LMX1A: variants seen among roughly 807,000 people sequenced by gnomAD.
The protein encoded by LMX1A is LIM homeobox transcription factor 1-alpha.
Under a neutral mutation model 49.1 loss-of-function variants are expected in LMX1A, and 15 were observed. That is an observed-to-expected ratio of 0.31 (90% CI 0.20 to 0.47). The LOEUF (loss-of-function observed/expected upper bound fraction) is 0.47. LMX1A is among the 20% of genes least tolerant of loss of function. LMX1A has a pLI of 1.00. For missense variants in LMX1A, 372 were observed against 475.8 expected (o/e 0.78, Z 2.03); for synonymous variants, 167 against 185.7 (o/e 0.90, Z 0.82).
intron 3 of LMX1A, among the ~76,000 whole-genome samples, chr1:165,301,371 C>T (rs201063192): frequency 2.7e-5 from 1 of 37,350 alleles, no homozygotes; most frequent in Non-Finnish European, 6.7e-5. Context: ...ACACTCCCGA[C>T]AACACACACA....
intron 3 of LMX1A, among the ~76,000 whole-genome samples, chr1:165,320,236 A>T (rs183521937): frequency 6.6e-6 from 1 of 152,160 alleles, no homozygotes; most frequent in Admixed American, 6.5e-5. Context: ...TAAATATCTC[A>T]TAACCTGGAC....
In LMX1A at chr1:165,342,240, A is replaced by G. The variant is rs2101763599; in HGVS notation, c.263+10836T>C. ...CAGCCTCCACTGGGGGCACAGTGGG[A>G]TCTTTTCTAGCTAAGGCTGAGACTT... On this transcript the variant is annotated intron_variant, in intron 3 of 8. Coordinates refer to ENST00000342310, the MANE Select transcript of LMX1A (RefSeq NM_177398.4). 1.3e-5 allele frequency among the ~76,000 whole-genome samples: 2 copies of G among 152,356 alleles called. 1 individual carries two copies. The highest frequency in any genetic ancestry group is 4.1e-4 in the South Asian group (2 of 4,828).
chr1:165,307,634 A>G (rs548881936), intron 3 of LMX1A, among the ~76,000 whole-genome samples: 3 of 152,140 alleles, frequency 2.0e-5, no homozygotes, highest in Non-Finnish European at 2.9e-5. Flanking sequence ...CACTCCCATA[A>G]CCTCCAACCC....
At chr1:165,283,718 C>G (rs1411560933) in intron 3 of LMX1A, among the ~76,000 whole-genome samples, 1 of 152,236 alleles carries the variant, frequency 6.6e-6, no homozygotes, top group African/African-American at 2.4e-5. Flanking sequence ...GAAACCATGT[C>G]TGAATGGCTA....
chr1:165,223,904 C>T (rs1651945042), intron 4 of LMX1A, among the ~76,000 whole-genome samples: 2 of 152,046 alleles, frequency 1.3e-5, no homozygotes, highest in South Asian at 4.2e-4. Context: ...AAGAGAGATG[C>T]TTTGGACTCA....
chr1:165,268,774 A>C (rs1248615312), intron 3 of LMX1A, among the ~76,000 whole-genome samples: 1 of 152,232 alleles, frequency 6.6e-6, no homozygotes, highest in Non-Finnish European at 1.5e-5. Context: ...AAATAAGGAG[A>C]TATTTCTAAA....
intron 3 of LMX1A, among the ~76,000 whole-genome samples, chr1:165,325,740 G>A (rs1303101843): frequency 6.6e-6 from 1 of 152,082 alleles, no homozygotes; most frequent in Non-Finnish European, 1.5e-5. Context: ...ACACCAGCAA[G>A]CCTCAGGCAT....
chr1:165,237,015 T>G lies in LMX1A; in HGVS notation c.496+12393A>C, dbSNP rs189749279. 6.8e-4 allele frequency among the ~76,000 whole-genome samples: 104 copies of G among 152,306 alleles called. 1 individual carries two copies. Among genetic ancestry groups the G allele is most frequent in the African/African-American group, 2.4e-3 (98 of 41,570 alleles). ...AGAGCAGAGGTATCATCCCAGCACC[T>G]ACAATAGGACTGCTACATACTCTGT... On this transcript the variant is annotated intron_variant, in intron 4 of 8. Coordinates refer to ENST00000342310, the MANE Select transcript of LMX1A (RefSeq NM_177398.4).
chr1:165,351,796 TAATA>T (rs1656437564), intron 3 of LMX1A, among the ~76,000 whole-genome samples: 2 of 152,236 alleles, frequency 1.3e-5, no homozygotes, highest in Non-Finnish European at 2.9e-5. Context: ...CAGACAACAA[TAATA>T]AATAAACTTC....
At chr1:165,306,548 C>A (rs1471004441) in intron 3 of LMX1A, among the ~76,000 whole-genome samples, 1 of 152,154 alleles carries the variant, frequency 6.6e-6, no homozygotes, top group African/African-American at 2.4e-5. Flanking sequence ...TTTTTTAAGT[C>A]TTTAGTTCTA....
At chr1:165,294,921 G>T (rs1057405971) in intron 3 of LMX1A, among the ~76,000 whole-genome samples, 1 of 152,058 alleles carries the variant, frequency 6.6e-6, no homozygotes, top group Non-Finnish European at 1.5e-5. Context: ...CCGAGATCAC[G>T]CCAGTGCACA....
intron 3 of LMX1A, among the ~76,000 whole-genome samples, chr1:165,266,665 G>A (rs1308895930): frequency 7.2e-6 from 1 of 138,488 alleles, no homozygotes; most frequent in Non-Finnish European, 1.5e-5. Flanking sequence ...GCAGTGGCGC[G>A]ATCTTGGCTC....
chr1:165,298,791 C>T (rs1654695568), intron 3 of LMX1A, among the ~76,000 whole-genome samples: 1 of 152,222 alleles, frequency 6.6e-6, no homozygotes, highest in Non-Finnish European at 1.5e-5. Context: ...CTACAGAACA[C>T]TGGACAGCCA....
chr1:165,278,175 C>T (rs1471197991), intron 3 of LMX1A, among the ~76,000 whole-genome samples: 1 of 152,206 alleles, frequency 6.6e-6, no homozygotes. Flanking sequence ...CACTTGACTC[C>T]AGAGCTCCTG....
At chr1:165,282,711 C>T (rs2101707388) in intron 3 of LMX1A, among the ~76,000 whole-genome samples, 1 of 152,244 alleles carries the variant, frequency 6.6e-6, no homozygotes, top group East Asian at 1.9e-4. Context: ...ACCTAGGAGT[C>T]ACCTTTGGTT....
chr1:165,246,102 T>C (rs1652840940), intron 4 of LMX1A, among the ~76,000 whole-genome samples: 1 of 152,170 alleles, frequency 6.6e-6, no homozygotes, highest in Non-Finnish European at 1.5e-5. Context: ...AGTTGTTTGC[T>C]TTCTGTTAAC....
intron 3 of LMX1A, among the ~76,000 whole-genome samples, chr1:165,292,082 A>AC (rs1315200428): frequency 6.6e-6 from 1 of 151,324 alleles, no homozygotes; most frequent in Non-Finnish European, 1.5e-5. Context: ...AAAAAAAAAA[A>AC]AAACAATATG....
At chr1:165,325,922 A>G (rs1211406653) in intron 3 of LMX1A, among the ~76,000 whole-genome samples, 9 of 152,180 alleles carry the variant, frequency 5.9e-5, no homozygotes, top group Non-Finnish European at 1.0e-4. Flanking sequence ...AGCTACCCTA[A>G]GACCCTCCCC....
intron 5 of LMX1A, 54 bp from the exon 6 acceptor site, chr1:165,210,830 T>TTCTACCTCCTACCCTG: frequency 7.4e-7 from 1 of 1,349,836 alleles, no homozygotes; most frequent in Non-Finnish European, 1.1e-6. Context: ...GGGTAGGAGG[T>TTCTACCTCCTACCCTG]AGAACATCTC....
Sources: allele counts gnomAD v4.1 joint callset (sites outside exome capture counted in the v4.1 genomes callset), GRCh38; gene constraint gnomAD v4.1.1; transcripts MANE v1.5; gene names NCBI Gene and HGNC (gene_info 2026-07-23, HGNC 2026-07-21).